The following USP9X variants were observed in gnomAD, a reference collection of about 807,000 sequenced individuals.
The protein encoded by USP9X is ubiquitin carboxyl-terminal hydrolase 9X.
In USP9X, 7 loss-of-function variants were observed where a neutral mutation model predicts 190.3. The ratio of observed to expected loss-of-function variants is 0.04; its 90% CI spans 0.02 to 0.07. The LOEUF (loss-of-function observed/expected upper bound fraction) is 0.07. Among genes scored for constraint, USP9X ranks in the 10% least tolerant of loss-of-function variants. The pLI is 1.00. For synonymous variants in USP9X, 645 were observed against 659.5 expected, an observed-to-expected ratio of 0.98 and a Z score of 0.34; for missense variants, 1,010 against 1,916.9, an observed-to-expected ratio of 0.53 and a Z score of 8.83.
At chrX:41,097,801 T>A (rs2062003321) in intron 1 of USP9X, among the ~76,000 whole-genome samples, 1 of 111,404 alleles carries the variant, frequency 9.0e-6, no homozygotes, top group Non-Finnish European at 1.9e-5. Flanking sequence ...TGAGAAAGAA[T>A]GACAGTGAAA....
intron 24 of USP9X, among the ~76,000 whole-genome samples, 161 bp from the exon 25 acceptor site, chrX:41,187,829 CTT>C (rs371008986): frequency 0.015 from 1,390 of 91,538 alleles, 20 homozygotes; most frequent in African/African-American, 0.049. Flanking sequence ...CCGCCCCCAC[CTT>C]TTTTTTTTTT....
chrX:41,225,195 T>G (rs2063302191), intron 41 of USP9X, 58 bp downstream of exon 41: 1 of 1,073,312 alleles, frequency 9.3e-7, no homozygotes, highest in African/African-American at 1.8e-5. Flanking sequence ...TAGAGTTAAC[T>G]GAAATTGACA....
At chrX:41,231,152 C>T (rs911180116) in intron 44 of USP9X, among the ~76,000 whole-genome samples, 2 of 111,701 alleles carry the variant, frequency 1.8e-5, no homozygotes, top group African/African-American at 6.5e-5. Context: ...ACTAAATCAG[C>T]TCTTGTGAGG....
chrX:41,119,983 G>A (rs2062177719), intron 1 of USP9X, among the ~76,000 whole-genome samples: 1 of 106,883 alleles, frequency 9.4e-6, no homozygotes, highest in Non-Finnish European at 1.9e-5. Flanking sequence ...AAGCGAAAGA[G>A]GGACTGCTTA....
rs1390590334 is a variant in USP9X, at chrX:41,219,095, T to G, written c.6436-7T>G. 1.7e-6 allele frequency: 2 copies of G among 1,203,357 alleles called. No individual in the cohort carries two copies. Among genetic ancestry groups the G allele is most frequent in the Non-Finnish European group, 2.2e-6 (2 of 892,666 alleles). On this transcript the variant is annotated splice_polypyrimidine_tract_variant and splice_region_variant and intron_variant, in intron 37 of 44. Transcript: ENST00000378308. Reference sequence around the variant, plus strand: ...CTGTAAAACAGGTAATGTTTTATCCTTTACAGGCTTATGACAACTTAAGCT... The same window carrying G: ...CTGTAAAACAGGTAATGTTTTATCCGTTACAGGCTTATGACAACTTAAGCT...
intron 38 of USP9X, among the ~76,000 whole-genome samples, chrX:41,220,886 A>T (rs2063255959): frequency 9.4e-6 from 1 of 105,911 alleles, no homozygotes; most frequent in Admixed American, 1.0e-4. Context: ...AGAGGTTGCA[A>T]TGAGCCAAGA....
chrX:41,094,465 C>T (rs111715171), intron 1 of USP9X, among the ~76,000 whole-genome samples: 2,691 of 109,543 alleles, frequency 0.025, 32 homozygotes, highest in Admixed American at 0.034. Flanking sequence ...TGTGAGCCAC[C>T]GTGCCTGGTG....
intron 4 of USP9X, 69 bp downstream of exon 4, chrX:41,131,605 C>T (rs1339751895): frequency 9.2e-6 from 9 of 980,676 alleles, no homozygotes; most frequent in African/African-American, 5.8e-5. Context: ...ATCCCAAAAG[C>T]GGATGAAGTG....
At chrX:41,189,284 T>C in intron 25 of USP9X, 25 bp from the exon 26 acceptor site, 1 of 1,193,426 alleles carries the variant, frequency 8.4e-7, no homozygotes, top group Non-Finnish European at 1.1e-6. Flanking sequence ...CTTTGGGTAA[T>C]TTGTTCTTGA....
chrX:41,217,283 G>A lies in USP9X; in HGVS notation c.6149G>A (p.Arg2050Lys). The change falls in exon 36 of 45, where the codon AGG becomes AAG. Residue 2050 changes from arginine to lysine, a missense_variant. Arg to Lys is a conservative substitution (Grantham distance 26, BLOSUM62 2). Coordinates refer to ENST00000378308, the MANE Select transcript of USP9X (RefSeq NM_001039591.3). ...ITMISIQLAA[R>K]FLFTTGFHTK... ...ATGATCAGTATTCAACTTGCTGCTA[G>A]GTTCCTCTTTACTACAGGATTTCAC... 1 of 1,210,949 alleles carries A rather than the reference G, an allele frequency of 8.3e-7. No individual in the cohort carries two copies. Among genetic ancestry groups the A allele is most frequent in the Non-Finnish European group, 1.1e-6 (1 of 894,922 alleles).
chrX:41,109,210 A>T (rs1336531640), intron 1 of USP9X, among the ~76,000 whole-genome samples: 2 of 111,931 alleles, frequency 1.8e-5, no homozygotes, highest in Non-Finnish European at 3.8e-5. Flanking sequence ...TTTGTTTTTT[A>T]AAAAAATAAT....
intron 1 of USP9X, among the ~76,000 whole-genome samples, chrX:41,107,687 A>T (rs936639055): frequency 9.0e-6 from 1 of 111,468 alleles, no homozygotes; most frequent in African/African-American, 3.3e-5. Flanking sequence ...TTTGTCACAC[A>T]TTTCTCTGAG....
intron 33 of USP9X, among the ~76,000 whole-genome samples, chrX:41,212,459 T>A (rs368554367): frequency 9.3e-4 from 62 of 66,626 alleles, no homozygotes; most frequent in Non-Finnish European, 1.0e-3. Context: ...AATGATCAAT[T>A]AAAAAAAAAA....
chrX:41,231,774 C>A (rs929457507), intron 44 of USP9X, among the ~76,000 whole-genome samples: 1 of 108,676 alleles, frequency 9.2e-6, no homozygotes, highest in African/African-American at 3.3e-5. Flanking sequence ...CTTGGCTTGG[C>A]TGATGGAGCA....
rs748251799 is a variant in USP9X, at chrX:41,135,304, G to A, written c.435+467G>A. On this transcript the variant is annotated intron_variant, in intron 5 of 44. Coordinates refer to ENST00000378308, the MANE Select transcript of USP9X (RefSeq NM_001039591.3). Reference sequence around the variant, plus strand: ...GCATATCTCAACCTTGGCACTTGGTGGAGGGAGGGATTAAAAAAAAAAGTG... The same window carrying A: ...GCATATCTCAACCTTGGCACTTGGTAGAGGGAGGGATTAAAAAAAAAAGTG... Among the ~76,000 whole-genome samples, 4 of 110,667 alleles carry A rather than the reference G, an allele frequency of 3.6e-5. No homozygotes were observed. The East Asian group carries it at 1.1e-3, about 31-fold the overall frequency.
chrX:41,128,131 ATAAT>A (rs1421062921), intron 2 of USP9X, among the ~76,000 whole-genome samples: 4 of 112,330 alleles, frequency 3.6e-5, no homozygotes, highest in African/African-American at 9.7e-5. Context: ...GAACTTCTAA[ATAAT>A]TATTGTTTGG....
chrX:41,195,110 C>T (rs916286173), intron 26 of USP9X, among the ~76,000 whole-genome samples: 2 of 107,912 alleles, frequency 1.9e-5, no homozygotes, highest in Non-Finnish European at 3.8e-5. Context: ...GATCTCAGCT[C>T]ACTGCAACCT....
chrX:41,094,178 T>TTTTCTC (rs1347115761), intron 1 of USP9X, among the ~76,000 whole-genome samples: 9 of 51,746 alleles, frequency 1.7e-4, no homozygotes, highest in Non-Finnish European at 3.4e-4. Flanking sequence ...GGTGTATTTC[T>TTTTCTC]TTTTTCTTTT....
Position 41,148,482 on chromosome X carries a change from G to C in USP9X, c.1533G>C (p.Leu511=). The C allele has an allele frequency of 8.3e-7, 1 of 1,211,880 alleles. No individual in the cohort carries two copies. Among genetic ancestry groups the C allele is most frequent in the Non-Finnish European group, 1.1e-6 (1 of 895,590 alleles). The change falls in exon 12 of 45, where the codon CTG becomes CTC. Residue 511 remains leucine (L), a synonymous_variant. Transcript: ENST00000378308. ...TGGCACACAAAGTGTTGAACCTTCT[G>C]TGGAATCTGGCTCACAGTGATGATG... ...GVMAHKVLNL[L]WNLAHSDDVP...
Sources: gnomAD v4.1 joint callset for allele counts (sites outside exome capture counted in the v4.1 genomes callset) on GRCh38, gnomAD v4.1.1 for gene constraint, MANE v1.5 for transcripts, NCBI Gene and HGNC (gene_info 2026-07-23, HGNC 2026-07-21) for gene names.